GTPBP4: variants seen among roughly 807,000 people sequenced by gnomAD.
GTPBP4 encodes GTP-binding protein 4.
GTPBP4 carries 15 observed loss-of-function variants against 81.7 expected under a neutral mutation model. The ratio of observed to expected loss-of-function variants is 0.18; its 90% CI spans 0.12 to 0.28. GTPBP4 has a LOEUF of 0.28. GTPBP4 is among the 10% of genes least tolerant of loss of function. The pLI is 1.00. For missense variants in GTPBP4, 847 were observed against 793.8 expected (o/e 1.07, Z -0.81); for synonymous variants, 272 against 274.6 (o/e 0.99, Z 0.09).
At position 996,044 on chromosome 10, in the gene GTPBP4, T is replaced by C. The variant is rs1251612711; in HGVS notation, c.323+12T>C. 1 of 1,592,092 alleles carries C rather than the reference T, an allele frequency of 6.3e-7. No homozygotes were observed. Among genetic ancestry groups the C allele is most frequent in the Admixed American group, 1.7e-5 (1 of 59,658 alleles). ...AATTTAGTGGACAAGTAAGGTACTT[T>C]TTTCTGTAGTGTCTTTTAAGTTATC... On this transcript the variant is annotated intron_variant, in intron 3 of 16. Coordinates refer to ENST00000360803, the MANE Select transcript of GTPBP4 (RefSeq NM_012341.3).
chr10:1,009,636 C>T, intron 12 of GTPBP4, 56 bp downstream of exon 12: 1 of 966,712 alleles, frequency 1.0e-6, no homozygotes, highest in Non-Finnish European at 1.7e-6. Flanking sequence ...TGAAGTATTT[C>T]AGAAAATGGG....
chr10:1,005,796 C>G, intron 8 of GTPBP4, 22 bp from the exon 9 acceptor site: 1 of 1,345,760 alleles, frequency 7.4e-7, no homozygotes, highest in East Asian at 2.3e-5. Flanking sequence ...ATACATCTCT[C>G]GTTTTTTCTT....
chr10:1,018,875 A>G lies in GTPBP4; in HGVS notation c.*1648A>G, dbSNP rs905237769. On this transcript the variant is annotated 3_prime_UTR_variant, in exon 17 of 17. Coordinates refer to ENST00000360803, the MANE Select transcript of GTPBP4 (RefSeq NM_012341.3). ...TCCGTATTAAACACCAAAACTTAAC[A>G]TATAGTTTACTTTGTGTTAAACAAC... 6.6e-6 allele frequency: 1 copy of G among 152,152 alleles called. No individual in the cohort carries two copies. The highest frequency in any genetic ancestry group is 1.5e-5 in the Non-Finnish European group (1 of 68,036). The allele number at this position is 152,152 out of a possible 1,614,324, so 9.4% of individuals were successfully genotyped here. A position where few individuals can be genotyped will look rare whatever the true frequency, so the allele number is the denominator to read the frequency against.
At chr10:1,000,026 A>G (rs1313201694) in intron 6 of GTPBP4, among the ~76,000 whole-genome samples, 1 of 152,064 alleles carries the variant, frequency 6.6e-6, no homozygotes, top group Admixed American at 6.5e-5. Flanking sequence ...AATTGTGAAG[A>G]AAGTAATTCC....
intron 14 of GTPBP4, among the ~76,000 whole-genome samples, chr10:1,013,109 G>A (rs1219442332): frequency 1.3e-5 from 2 of 151,654 alleles, no homozygotes; most frequent in African/African-American, 2.4e-5. Context: ...TCAGCCTCCC[G>A]AGTAGCTGGG....
rs528912558 is a variant in GTPBP4 at position 997,038 on chromosome 10, A to G, written c.461-170A>G. The G allele has an allele frequency of 7.1e-5, 44 of 616,976 alleles. No homozygotes were observed. In the Admixed American group the frequency reaches 1.2e-3, roughly 16 times the overall value. The allele number at this position is 616,976 out of a possible 1,614,324, so 38.2% of individuals were successfully genotyped here. ...TTGGGAGATAGCAATTGAATATACT[A>G]TGTGTATACTATTACTTTCTGCAAC... On this transcript the variant is annotated intron_variant, in intron 4 of 16. Coordinates refer to ENST00000360803, the MANE Select transcript of GTPBP4 (RefSeq NM_012341.3).
chr10:992,121 C>T (rs1418786116), intron 1 of GTPBP4, among the ~76,000 whole-genome samples: 2 of 151,216 alleles, frequency 1.3e-5, no homozygotes, highest in African/African-American at 4.9e-5. Context: ...GGTTTCAGGG[C>T]CGGGCGTGGT....
chr10:1,008,082 T>C (rs754772540), intron 10 of GTPBP4: 3 of 456,224 alleles, frequency 6.6e-6, no homozygotes, highest in African/African-American at 6.0e-5. Flanking sequence ...GCATTGTACA[T>C]AGAAAGGCTT....
At chr10:995,790 CAG>C (rs1831527861) in intron 2 of GTPBP4, 137 bp from the exon 3 acceptor site, 2 of 609,140 alleles carry the variant, frequency 3.3e-6, no homozygotes, top group East Asian at 2.8e-5. Context: ...ACTAAATAGA[CAG>C]GGCCCCTGGC....
chr10:1,017,394 A>C lies in GTPBP4; in HGVS notation c.*167A>C. ...TGGTTAACCCTATATAGGTGTGGGAAATTTTTGTCACTGCATAATATTACA... is the reference window on the plus strand; with the variant it reads ...TGGTTAACCCTATATAGGTGTGGGACATTTTTGTCACTGCATAATATTACA... On this transcript the variant is annotated 3_prime_UTR_variant, in exon 17 of 17. Transcript: ENST00000360803. The C allele has an allele frequency of 1.9e-6, 1 of 529,516 alleles. No homozygotes were observed. The highest frequency in any genetic ancestry group is 3.0e-5 in the East Asian group (1 of 33,620). The allele number at this position is 529,516 out of a possible 1,614,324, so 32.8% of individuals were successfully genotyped here.
chr10:1,000,438 C>T (rs921107025), intron 6 of GTPBP4, among the ~76,000 whole-genome samples: 10 of 151,720 alleles, frequency 6.6e-5, no homozygotes, highest in South Asian at 6.3e-4. Context: ...GGGGTTTTGC[C>T]GTGTGAGCCA....
chr10:1,015,926 A>G (rs1342793566), intron 16 of GTPBP4, 30 bp downstream of exon 16: 2 of 1,570,364 alleles, frequency 1.3e-6, no homozygotes, highest in Admixed American at 3.6e-5. Context: ...AATGTAATAA[A>G]ATGACAGTCT....
rs1221983789 is a variant in GTPBP4 at position 1,013,250 on chromosome 10, C to T, written c.1542+588C>T. ...CTGCCTGCCTTGGCCTCCCAAAGTG[C>T]TGAGATTACAGGCGTGAGCCACCAC... On this transcript the variant is annotated intron_variant, in intron 14 of 16. Coordinates refer to ENST00000360803, the MANE Select transcript of GTPBP4 (RefSeq NM_012341.3). Among the ~76,000 whole-genome samples the T allele has an allele frequency of 2.0e-5, 3 of 151,686 alleles. No individual in the cohort carries two copies. The East Asian group carries it at 5.9e-4, about 30-fold the overall frequency.
intron 5 of GTPBP4, among the ~76,000 whole-genome samples, chr10:998,428 T>C (rs911450402): frequency 1.2e-4 from 18 of 152,132 alleles, no homozygotes; most frequent in Non-Finnish European, 1.9e-4. Flanking sequence ...TGAAATAGAT[T>C]TGTGAGTTTT....
chr10:1,019,427 C>T lies in GTPBP4; in HGVS notation c.*2200C>T. 3 of 1,034,688 alleles carry T rather than the reference C, an allele frequency of 2.9e-6. No homozygotes were observed. The highest frequency in any genetic ancestry group is 3.0e-4 in the Middle Eastern group (1 of 3,386). 64.1% of individuals were successfully genotyped at this position (1,034,688 alleles called of 1,614,324 possible). Reference sequence around the variant, plus strand: ...TGGGCAATCAAGTGCCCCTTTTGCCCTGTTTTTTGGAGAGGGTGTATCATT... The same window carrying T: ...TGGGCAATCAAGTGCCCCTTTTGCCTTGTTTTTTGGAGAGGGTGTATCATT... On this transcript the variant is annotated 3_prime_UTR_variant, in exon 17 of 17. Coordinates refer to ENST00000360803, the MANE Select transcript of GTPBP4 (RefSeq NM_012341.3).
chr10:990,206 G>A lies in GTPBP4; in HGVS notation c.48+1679G>A, dbSNP rs74551829. 3.1e-3 allele frequency among the ~76,000 whole-genome samples: 468 copies of A among 152,194 alleles called. 2 individuals are homozygous for A. Among genetic ancestry groups the A allele is most frequent in the African/African-American group, 0.01 (420 of 41,488 alleles). On this transcript the variant is annotated intron_variant, in intron 1 of 16. Coordinates refer to ENST00000360803, the MANE Select transcript of GTPBP4 (RefSeq NM_012341.3). ...TTATACACCATCCGTCTTCTGTTCT[G>A]TGGAGTGAGATTTATATTTTTAGAG...
At chr10:996,352 A>C (rs534841611) in intron 4 of GTPBP4, 110 bp downstream of exon 4, 1 of 883,320 alleles carries the variant, frequency 1.1e-6, no homozygotes, top group East Asian at 2.6e-5. Flanking sequence ...TGACAGGGTC[A>C]GTTATTCTTC....
intron 2 of GTPBP4, 32 bp downstream of exon 2, chr10:992,691 T>G: frequency 1.5e-6 from 2 of 1,365,400 alleles, no homozygotes; most frequent in African/African-American, 1.4e-5. Context: ...TGTGGTTATG[T>G]AAATACGGGC....
Position 1,019,849 on chromosome 10 carries a change from T to A in GTPBP4, c.*2622T>A. On this transcript the variant is annotated 3_prime_UTR_variant, in exon 17 of 17. Transcript: ENST00000360803. ...TCTGGAGAAATCTATTGACAGAAAT[T>A]GGTGCAGTGTTAACAACGCTAATGT... 1.3e-6 allele frequency: 2 copies of A among 1,586,452 alleles called. No individual in the cohort carries two copies. Among genetic ancestry groups the A allele is most frequent in the Non-Finnish European group, 1.7e-6 (2 of 1,155,248 alleles).
Sources: allele counts gnomAD v4.1 joint callset (sites outside exome capture counted in the v4.1 genomes callset), GRCh38; gene constraint gnomAD v4.1.1; transcripts MANE v1.5; gene names NCBI Gene and HGNC (gene_info 2026-07-23, HGNC 2026-07-21).